PNPLA8: variants seen among roughly 807,000 people sequenced by gnomAD.
PNPLA8 encodes patatin like domain 8, phospholipase A2.
A neutral mutation model predicts 76.9 loss-of-function variants in PNPLA8; 39 were observed. That is an observed-to-expected ratio of 0.51 (90% CI 0.39 to 0.66). The LOEUF is 0.66. PNPLA8 is among the 30% of genes least tolerant of loss of function. The pLI, the probability that PNPLA8 is intolerant of heterozygous loss-of-function variation, is 0.00. For synonymous variants in PNPLA8, 301 were observed against 307.9 expected (o/e 0.98, Z 0.24); for missense variants, 887 against 918.0 (o/e 0.97, Z 0.44).
chr7:108,497,927 G>A (rs541870541), intron 5 of PNPLA8, among the ~76,000 whole-genome samples: 5 of 150,382 alleles, frequency 3.3e-5, no homozygotes, highest in South Asian at 2.1e-4. Context: ...GCTTTGGGAG[G>A]TTGAGGTAAG....
At chr7:108,523,823 G>C (rs1863906181) in intron 1 of PNPLA8, among the ~76,000 whole-genome samples, 1 of 152,134 alleles carries the variant, frequency 6.6e-6, no homozygotes, top group Admixed American at 6.5e-5. Context: ...GCAAGTACTA[G>C]TGTGGGGAAG....
intron 2 of PNPLA8, 52 bp from the exon 3 acceptor site, chr7:108,515,626 T>C: frequency 8.9e-6 from 10 of 1,121,110 alleles, no homozygotes; most frequent in Non-Finnish European, 1.1e-5. Flanking sequence ...TGAAATTGGG[T>C]ATAACAGAAA....
chr7:108,483,946 C>T (rs1377049381), intron 9 of PNPLA8, among the ~76,000 whole-genome samples: 1 of 152,052 alleles, frequency 6.6e-6, no homozygotes, highest in East Asian at 1.9e-4. Flanking sequence ...TTTACTAAAC[C>T]ATTTAAACCT....
At chr7:108,503,804 G>A (rs906405600) in intron 4 of PNPLA8, among the ~76,000 whole-genome samples, 41 of 152,226 alleles carry the variant, frequency 2.7e-4, no homozygotes, top group African/African-American at 9.9e-4. Context: ...TCAGACAGAG[G>A]GCCCCAAATA....
intron 8 of PNPLA8, 121 bp downstream of exon 8, chr7:108,491,289 A>G: frequency 1.5e-6 from 1 of 648,130 alleles, no homozygotes; most frequent in Non-Finnish European, 2.7e-6. Context: ...CCTGGGCAAT[A>G]AGAGTGAAAC....
intron 4 of PNPLA8, chr7:108,510,412 T>C (rs1021343894): frequency 1.3e-5 from 20 of 1,512,166 alleles, no homozygotes; most frequent in African/African-American, 2.7e-5. Context: ...ACAGGGAATA[T>C]AGGCAGATGT....
chr7:108,526,202 T>TGA, upstream of PNPLA8: 1 of 630,546 alleles, frequency 1.6e-6, no homozygotes, highest in East Asian at 1.4e-4. Context: ...AGTGACGCGC[T>TGA]AGAAGTTTGG....
intron 1 of PNPLA8, 118 bp downstream of exon 1, chr7:108,525,911 C>T (rs899014474): frequency 6.3e-6 from 2 of 319,946 alleles, no homozygotes; most frequent in Non-Finnish European, 4.5e-6. Flanking sequence ...TGTCCCCACC[C>T]TCTCGCTCGG....
At chr7:108,520,130 T>G (rs1441828897) in intron 2 of PNPLA8, among the ~76,000 whole-genome samples, 1 of 152,188 alleles carries the variant, frequency 6.6e-6, no homozygotes, top group Non-Finnish European at 1.5e-5. Context: ...ATTAATAAAT[T>G]TGTATGCCAT....
At chr7:108,493,569 T>A (rs940361083) in intron 7 of PNPLA8, among the ~76,000 whole-genome samples, 37 of 39,940 alleles carry the variant, frequency 9.3e-4, no homozygotes, top group African/African-American at 2.7e-3. Flanking sequence ...CATGCCTGGC[T>A]TTTTTTTTTT....
At position 108,480,030 on chromosome 7, in the gene PNPLA8, T is replaced by C. The variant is rs149392208; in HGVS notation, c.1879-651A>G. On this transcript the variant is annotated intron_variant, in intron 9 of 10. Transcript: ENST00000257694. ...TATAATAAAATGTATTGTAGAACCA[T>C]ATTAAAATATATTACATCATAAACA... 5.3e-5 allele frequency among the ~76,000 whole-genome samples: 8 copies of C among 152,284 alleles called. No homozygotes were observed. In the East Asian group the frequency reaches 1.5e-3, roughly 29 times the overall value.
chr7:108,497,288 T>C (rs1270145298), intron 6 of PNPLA8, among the ~76,000 whole-genome samples, 195 bp downstream of exon 6: 2 of 152,184 alleles, frequency 1.3e-5, no homozygotes, highest in African/African-American at 2.4e-5. Flanking sequence ...CTAGCTATAA[T>C]AGGTAGGACA....
intron 2 of PNPLA8, among the ~76,000 whole-genome samples, chr7:108,518,617 C>T (rs1164390718): frequency 6.6e-6 from 1 of 151,182 alleles, no homozygotes; most frequent in Non-Finnish European, 1.5e-5. Context: ...TATATGGAAA[C>T]GTCTGTACCT....
At chr7:108,503,348 CTATAAT>C (rs1862102461) in intron 4 of PNPLA8, among the ~76,000 whole-genome samples, 1 of 152,168 alleles carries the variant, frequency 6.6e-6, no homozygotes, top group South Asian at 2.1e-4. Context: ...TGAGTGGCAG[CTATAAT>C]TCTGCTGTGC....
intron 4 of PNPLA8, chr7:108,510,795 A>G: frequency 6.2e-7 from 1 of 1,601,492 alleles, no homozygotes; most frequent in African/African-American, 1.3e-5. Context: ...TGCATGGAGG[A>G]TCTGATTCAT....
At chr7:108,493,896 T>A (rs1451965508) in intron 7 of PNPLA8, among the ~76,000 whole-genome samples, 1 of 152,030 alleles carries the variant, frequency 6.6e-6, no homozygotes, top group African/African-American at 2.4e-5. Context: ...TATAAAAATA[T>A]TATGCCAAGG....
At chr7:108,486,043 C>A (rs189385236) in intron 9 of PNPLA8, among the ~76,000 whole-genome samples, 1 of 152,024 alleles carries the variant, frequency 6.6e-6, no homozygotes, top group Admixed American at 6.5e-5. Flanking sequence ...AATGTCTAAG[C>A]GTGAACAGAA....
chr7:108,524,164 A>T (rs559553286), intron 1 of PNPLA8, among the ~76,000 whole-genome samples: 100 of 152,352 alleles, frequency 6.6e-4, no homozygotes, highest in African/African-American at 2.3e-3. Context: ...TTACCAGATG[A>T]TAGTTTACAG....
At chr7:108,490,663 A>T (rs957992338) in intron 8 of PNPLA8, among the ~76,000 whole-genome samples, 4 of 152,050 alleles carry the variant, frequency 2.6e-5, no homozygotes, top group Admixed American at 6.5e-5. Flanking sequence ...GGCTGCCTAT[A>T]GTCCCAGCTA....
Sources: gnomAD v4.1 joint callset for allele counts (sites outside exome capture counted in the v4.1 genomes callset) on GRCh38, gnomAD v4.1.1 for gene constraint, MANE v1.5 for transcripts, NCBI Gene and HGNC (gene_info 2026-07-23, HGNC 2026-07-21) for gene names.